Variants in SMC4 observed in about 807,000 individuals in gnomAD.
The protein encoded by SMC4 is structural maintenance of chromosomes 4, also known as structural maintenance of chromosomes protein 4.
In SMC4, 87 loss-of-function variants were observed where a neutral mutation model predicts 145.6. The observed-to-expected ratio is 0.60, with a 90% CI of 0.50 to 0.71. The LOEUF is 0.71. Among genes scored for constraint, SMC4 ranks in the 30% least tolerant of loss-of-function variants. SMC4 has a pLI of 0.00. For synonymous variants in SMC4, 558 were observed against 500.7 expected (o/e 1.11, Z -1.53); for missense variants, 1,447 against 1,537.1 (o/e 0.94, Z 0.98).
chr3:160,433,477 T>G, intron 23 of SMC4, 180 bp from the exon 24 acceptor site: 2 of 553,898 alleles, frequency 3.6e-6, no homozygotes, highest in Non-Finnish European at 6.3e-6. Flanking sequence ...TCTTTTCCAC[T>G]AGAAGTCAAA....
intron 19 of SMC4, 88 bp downstream of exon 19, chr3:160,430,831 T>C: frequency 1.4e-6 from 2 of 1,420,156 alleles, no homozygotes; most frequent in Non-Finnish European, 1.9e-6. Flanking sequence ...TAGAATGTAG[T>C]AAGCACTCAT....
chr3:160,407,095 A>G (rs1715422782), intron 5 of SMC4, among the ~76,000 whole-genome samples: 1 of 152,208 alleles, frequency 6.6e-6, no homozygotes, highest in Admixed American at 6.5e-5. Flanking sequence ...ATTCAGGGGT[A>G]GAAGAATGGT....
In SMC4 at chr3:160,434,511, C is replaced by T. The variant is rs13403; in HGVS notation, c.*702C>T. 2 of 151,940 alleles carry T rather than the reference C, an allele frequency of 1.3e-5. No homozygotes were observed. The highest frequency in any genetic ancestry group is 2.4e-5 in the African/African-American group (1 of 41,350). 9.4% of individuals were successfully genotyped at this position (151,940 alleles called of 1,614,324 possible). ...TTTTCAACTTTATGATAGGTTTATC[C>T]GGGTACTAAATGCATTTCAACTTGA... On this transcript the variant is annotated 3_prime_UTR_variant, in exon 24 of 24. Coordinates refer to ENST00000357388, the MANE Select transcript of SMC4 (RefSeq NM_001002800.3).
intron 15 of SMC4, among the ~76,000 whole-genome samples, chr3:160,424,156 A>C (rs1405583422): frequency 6.6e-6 from 1 of 152,098 alleles, no homozygotes; most frequent in East Asian, 1.9e-4. Flanking sequence ...TTATTGCTGT[A>C]TTACATAATT....
chr3:160,400,984 C>T lies in SMC4; in HGVS notation c.139+19C>T. 1 of 1,381,786 alleles carries T rather than the reference C, an allele frequency of 7.2e-7. No homozygotes were observed. The highest frequency in any genetic ancestry group is 3.9e-5 in the Admixed American group (1 of 25,374). 85.6% of individuals were successfully genotyped at this position (1,381,786 alleles called of 1,614,324 possible). A position where few individuals can be genotyped will look rare whatever the true frequency, so the allele number is the denominator to read the frequency against. On this transcript the variant is annotated intron_variant, in intron 2 of 23. Coordinates refer to ENST00000357388, the MANE Select transcript of SMC4 (RefSeq NM_001002800.3). ...GCCGCAGGTGAGTGACCCGCCGCGACTCGGCGGGAACGCGCGCTGTGGGAC... is the reference window on the plus strand; with the variant it reads ...GCCGCAGGTGAGTGACCCGCCGCGATTCGGCGGGAACGCGCGCTGTGGGAC...
At chr3:160,406,014 A>T (rs564275909) in intron 5 of SMC4, among the ~76,000 whole-genome samples, 1 of 152,064 alleles carries the variant, frequency 6.6e-6, no homozygotes, top group South Asian at 2.1e-4. Context: ...TCTAAGGATA[A>T]TTTTTTTCTC....
In SMC4 at chr3:160,423,567, T is replaced by A. The variant is rs751355932; in HGVS notation, c.2162T>A (p.Leu721Ter). 2.5e-6 allele frequency: 4 copies of A among 1,613,972 alleles called. No individual in the cohort carries two copies. Among genetic ancestry groups the A allele is most frequent in the Non-Finnish European group, 3.4e-6 (4 of 1,179,932 alleles). Residue 721 changes from leucine (L) to a stop codon, truncating the protein, a stop_gained, in exon 14 of 24, where the codon TTG becomes TAG. Coordinates refer to ENST00000357388, the MANE Select transcript of SMC4 (RefSeq NM_001002800.3). LOFTEE classifies it high-confidence loss of function. The part of the protein sequence containing the change: ...ALRDTLVADN[L>*]DQATRVAYQK... ...CGAGATACCTTAGTAGCTGACAACT[T>A]GGATCAAGCCACAAGAGTAGCATAT...
Position 160,430,595 on chromosome 3 carries a change from T to G in SMC4, c.2796-4T>G, listed in dbSNP as rs754486432. The G allele has an allele frequency of 1.3e-6, 2 of 1,567,478 alleles. No individual in the cohort carries two copies. The highest frequency in any genetic ancestry group is 2.0e-5 in the Admixed American group (1 of 50,828). Reference sequence around the variant, plus strand: ...ATTTTTGATGCATCATTTTGCTTCTTTAGAAACCTTCAAAAGGCACAAGAC... The same window carrying G: ...ATTTTTGATGCATCATTTTGCTTCTGTAGAAACCTTCAAAAGGCACAAGAC... On this transcript the variant is annotated splice_region_variant and splice_polypyrimidine_tract_variant and intron_variant, in intron 18 of 23. Transcript: ENST00000357388.
chr3:160,413,645 TTAGA>T (rs1370689790), intron 8 of SMC4, 32 bp downstream of exon 8: 6 of 1,161,038 alleles, frequency 5.2e-6, no homozygotes, highest in Non-Finnish European at 7.3e-6. Context: ...CTAAAAGTAT[TTAGA>T]TAATTGTATT....
intron 13 of SMC4, among the ~76,000 whole-genome samples, chr3:160,423,038 A>G (rs2108489248): frequency 6.6e-6 from 1 of 152,298 alleles, no homozygotes; most frequent in East Asian, 1.9e-4. Flanking sequence ...CAGCATTGTA[A>G]TAAGTTTTAA....
At chr3:160,422,766 C>A (rs1454824036) in intron 13 of SMC4, among the ~76,000 whole-genome samples, 1 of 152,084 alleles carries the variant, frequency 6.6e-6, no homozygotes, top group Non-Finnish European at 1.5e-5. Flanking sequence ...TTGTTTTCTT[C>A]TAAAAGTTCT....
At position 160,431,196 on chromosome 3, in the gene SMC4, G is replaced by A. The variant is rs1191432198; in HGVS notation, c.3105G>A (p.Trp1035Ter). 1.3e-6 allele frequency: 2 copies of A among 1,575,450 alleles called. No homozygotes were observed. Among genetic ancestry groups the A allele is most frequent in the South Asian group, 2.4e-5 (2 of 84,416 alleles). The change falls in exon 20 of 24, where the codon TGG becomes TGA. Residue 1035 changes from tryptophan (W) to a stop codon, truncating the protein, a stop_gained. Transcript: ENST00000357388. LOFTEE classifies it high-confidence loss of function. Reference protein sequence around the residue: ...IAEHNSKIKYWHKEISKISLH... With the variant: ...IAEHNSKIKY ...AACATAATTCTAAAATAAAATATTG[G>A]CACAAAGAGGTGAGATTGTTACCGT...
At chr3:160,413,448 C>CTTTTT in intron 7 of SMC4, 25 bp from the exon 8 acceptor site, 3 of 1,276,248 alleles carry the variant, frequency 2.4e-6, no homozygotes, top group African/African-American at 1.6e-5. Flanking sequence ...GCTTCAATTT[C>CTTTTT]TTTTTTTTTT....
At position 160,413,530 on chromosome 3, in the gene SMC4, A is replaced by G; in HGVS notation, c.1038A>G (p.Glu346=). ...AAACTCAAAAGGAAAAAATTCATGA[A>G]GATACCAAAGAAATTAATGAGAAGA... is the stretch of plus-strand genomic sequence containing the variant. ...EMETQKEKIH[E]DTKEINEKSN... is the part of the protein sequence containing the mutation. Residue 346 remains glutamate (E), a synonymous_variant, in exon 8 of 24, where the codon GAA becomes GAG. Transcript: ENST00000357388. The G allele has an allele frequency of 6.3e-7, 1 of 1,587,980 alleles. No individual in the cohort carries two copies. Among genetic ancestry groups the G allele is most frequent in the Admixed American group, 1.9e-5 (1 of 53,788 alleles).
rs747024444 is a variant in SMC4 at position 160,433,640 on chromosome 3, T to C, written c.3715-17T>C. 3 of 1,472,004 alleles carry C rather than the reference T, an allele frequency of 2.0e-6. No individual in the cohort carries two copies. Among genetic ancestry groups the C allele is most frequent in the African/African-American group, 2.9e-5 (2 of 69,808 alleles). The allele number at this position is 1,472,004 out of a possible 1,614,324, so 91.2% of individuals were successfully genotyped here. On this transcript the variant is annotated splice_polypyrimidine_tract_variant and intron_variant, in intron 23 of 23. Transcript: ENST00000357388. ...CTGTTATTACTTAATGTTTGACTTT[T>C]CTTTGTTTCTCTTTAGGAACAAACA...
intron 5 of SMC4, among the ~76,000 whole-genome samples, chr3:160,405,075 GA>G (rs1715172592): frequency 1.3e-5 from 2 of 151,868 alleles, no homozygotes; most frequent in African/African-American, 4.8e-5. Context: ...TTGTTTTGTT[GA>G]AAATGACTTA....
intron 17 of SMC4, among the ~76,000 whole-genome samples, chr3:160,426,677 A>G (rs1485820433): frequency 1.3e-5 from 2 of 152,016 alleles, no homozygotes; most frequent in East Asian, 3.9e-4. Flanking sequence ...ACCAAAATAG[A>G]ATCTTTAGGC....
intron 10 of SMC4, chr3:160,416,739 A>G (rs1716634547): frequency 6.2e-6 from 1 of 162,476 alleles, no homozygotes; most frequent in Admixed American, 6.4e-5. Context: ...GAGCCACACT[A>G]AGCGCAGGTT....
In SMC4 at chr3:160,426,189, C is replaced by G; in HGVS notation, c.2594C>G (p.Ala865Gly). The change falls in exon 17 of 24, where the codon GCT becomes GGT. Residue 865 changes from alanine to glycine, a missense_variant. Ala to Gly is a moderately conservative substitution (Grantham distance 60, BLOSUM62 0). Transcript: ENST00000357388. Reference sequence around the variant, plus strand: ...AAATTGCTAGAAGAAAACGTTAGTGCTTTCAAAACAGGTATGTTTAGAGAT... The same window carrying G: ...AAATTGCTAGAAGAAAACGTTAGTGGTTTCAAAACAGGTATGTTTAGAGAT... The part of the protein sequence containing the change: ...KQKLLEENVS[A>G]FKTEYDAVAE... 3 of 1,605,968 alleles carry G rather than the reference C, an allele frequency of 1.9e-6. No individual in the cohort carries two copies. Among genetic ancestry groups the G allele is most frequent in the Non-Finnish European group, 2.5e-6 (3 of 1,176,994 alleles).
Sources: gnomAD v4.1 joint callset for allele counts (sites outside exome capture counted in the v4.1 genomes callset) on GRCh38, gnomAD v4.1.1 for gene constraint, MANE v1.5 for transcripts, NCBI Gene and HGNC (gene_info 2026-07-23, HGNC 2026-07-21) for gene names.